PAX5: variants seen among roughly 807,000 people sequenced by gnomAD.
PAX5 encodes paired box protein Pax-5.
A neutral mutation model predicts 43.7 loss-of-function variants in PAX5; 9 were observed. The ratio of observed to expected loss-of-function variants is 0.21; its 90% CI spans 0.12 to 0.36. The LOEUF (loss-of-function observed/expected upper bound fraction) is 0.36. Among genes scored for constraint, PAX5 ranks in the 10% least tolerant of loss-of-function variants. The pLI is 1.00. For synonymous variants in PAX5, 228 were observed against 214.3 expected (o/e 1.06, Z -0.56); for missense variants, 383 against 532.7 (o/e 0.72, Z 2.77).
intron 7 of PAX5, among the ~76,000 whole-genome samples, chr9:36,898,411 G>A (rs928417758): frequency 1.3e-5 from 2 of 152,094 alleles, no homozygotes; most frequent in African/African-American, 2.4e-5. Context: ...GAGGCACGTG[G>A]GGTCTGCATT....
intron 5 of PAX5, among the ~76,000 whole-genome samples, chr9:36,997,770 G>C (rs3758173): frequency 0.23 from 35,004 of 152,220 alleles, 4,119 homozygotes; most frequent in Admixed American, 0.31. Context: ...CCAGGCATCC[G>C]TGTGAACCGG....
intron 6 of PAX5, among the ~76,000 whole-genome samples, chr9:36,950,132 C>T (rs901405989): frequency 6.6e-6 from 1 of 152,178 alleles, no homozygotes; most frequent in African/African-American, 2.4e-5. Context: ...GATGAGCCGG[C>T]TCTTGCCAGG....
In PAX5 at chr9:37,034,024, A is replaced by G; in HGVS notation, c.8T>C (p.Leu3Ser). The G allele has an allele frequency of 1.2e-6, 2 of 1,608,516 alleles. No individual in the cohort carries two copies. The highest frequency in any genetic ancestry group is 1.7e-6 in the Non-Finnish European group (2 of 1,177,872). MD[L>S]EKNYPTPRTS... The stretch of plus-strand genomic sequence containing the variant: ...CCGAGGAGTCGGATAATTTTTCTCT[A>G]AATCCATTTTGATTTTTCAGGACTT... Residue 3 changes from leucine (L) to serine (S), a missense_variant, in exon 1 of 10, where the codon TTA becomes TCA. Physicochemically the swap from Leu to Ser is moderately radical, Grantham distance 145. Coordinates refer to ENST00000358127, the MANE Select transcript of PAX5 (RefSeq NM_016734.3).
intron 8 of PAX5, among the ~76,000 whole-genome samples, chr9:36,860,110 G>A (rs1279562425): frequency 2.0e-5 from 3 of 149,212 alleles, no homozygotes; most frequent in South Asian, 2.1e-4. Context: ...AGGCTGAGGC[G>A]GGTAGATCAC....
Position 36,836,146 on chromosome 9 carries a change from G to C in PAX5, c.*4414C>G, listed in dbSNP as rs1187013702. The C allele has an allele frequency of 4.3e-6, 1 of 233,324 alleles. No homozygotes were observed. The highest frequency in any genetic ancestry group is 8.5e-6 in the Non-Finnish European group (1 of 118,188). 14.5% of individuals were successfully genotyped at this position (233,324 alleles called of 1,614,324 possible). ...CTCAGTGCCCTGTGGCCACATCTGA[G>C]TCTCTTCCCTGCACATGTGAAAGGT... On this transcript the variant is annotated 3_prime_UTR_variant, in exon 10 of 10. Coordinates refer to ENST00000358127, the MANE Select transcript of PAX5 (RefSeq NM_016734.3).
intron 5 of PAX5, among the ~76,000 whole-genome samples, chr9:36,990,652 TG>T (rs992715836): frequency 2.5e-4 from 38 of 152,152 alleles, no homozygotes; most frequent in Non-Finnish European, 1.5e-5. Context: ...GCAGTAGCAA[TG>T]GGGATGGAGA....
At chr9:36,942,582 G>T (rs1330856473) in intron 6 of PAX5, among the ~76,000 whole-genome samples, 1 of 152,228 alleles carries the variant, frequency 6.6e-6, no homozygotes, top group Non-Finnish European at 1.5e-5. Flanking sequence ...CTGCTCTGTT[G>T]TAAGAGTCGT....
chr9:36,939,870 G>A (rs566113839), intron 6 of PAX5, among the ~76,000 whole-genome samples: 2 of 151,904 alleles, frequency 1.3e-5, no homozygotes, highest in East Asian at 1.9e-4. Flanking sequence ...TCGTGTGGGC[G>A]CAGCAGATTG....
intron 6 of PAX5, among the ~76,000 whole-genome samples, chr9:36,952,808 T>C (rs569424605): frequency 6.6e-6 from 1 of 152,196 alleles, no homozygotes; most frequent in Non-Finnish European, 1.5e-5. Flanking sequence ...ATTTCACTTA[T>C]CCATATGTAA....
chr9:36,907,592 T>A (rs924862989), intron 7 of PAX5, among the ~76,000 whole-genome samples: 3 of 152,210 alleles, frequency 2.0e-5, no homozygotes, highest in African/African-American at 7.2e-5. Flanking sequence ...TCAGCCACAC[T>A]GCTAGGGAAA....
At chr9:37,002,539 T>C in intron 5 of PAX5, 109 bp downstream of exon 5, 1 of 1,213,364 alleles carries the variant, frequency 8.2e-7, no homozygotes, top group Admixed American at 2.3e-5. Context: ...CTCGCTCCTC[T>C]GCAGGTAAGG....
chr9:36,994,419 C>A (rs1412099971), intron 5 of PAX5, among the ~76,000 whole-genome samples: 1 of 152,212 alleles, frequency 6.6e-6, no homozygotes, highest in Non-Finnish European at 1.5e-5. Context: ...TGCTTGGCCA[C>A]TGCCCTAAGT....
chr9:36,905,625 G>A (rs960571084), intron 7 of PAX5, among the ~76,000 whole-genome samples: 2 of 152,170 alleles, frequency 1.3e-5, no homozygotes, highest in Non-Finnish European at 2.9e-5. Context: ...GCAAAAAGAC[G>A]GGCCTGGATA....
intron 6 of PAX5, among the ~76,000 whole-genome samples, chr9:36,952,474 A>G (rs1176343531): frequency 6.6e-6 from 1 of 152,048 alleles, no homozygotes; most frequent in East Asian, 1.9e-4. Flanking sequence ...TTCACATTCA[A>G]AGTGATTATT....
chr9:36,864,535 G>C (rs1171788638), intron 8 of PAX5, among the ~76,000 whole-genome samples: 2 of 152,208 alleles, frequency 1.3e-5, no homozygotes, highest in South Asian at 2.1e-4. Flanking sequence ...CAGCTGTGAG[G>C]GTCCCCGTGC....
intron 8 of PAX5, among the ~76,000 whole-genome samples, chr9:36,848,248 A>G (rs2131596554): frequency 6.6e-6 from 1 of 152,094 alleles, no homozygotes; most frequent in Admixed American, 6.5e-5. Context: ...GGGATCTGCC[A>G]GGTGGGGCAG....
At chr9:36,843,096 G>A (rs1234305368) in intron 9 of PAX5, among the ~76,000 whole-genome samples, 1 of 151,486 alleles carries the variant, frequency 6.6e-6, no homozygotes, top group East Asian at 1.9e-4. Context: ...GTGTGTGCGT[G>A]TGTGTGTGTG....
intron 6 of PAX5, among the ~76,000 whole-genome samples, chr9:36,932,447 G>A (rs62534703): frequency 0.28 from 42,139 of 152,190 alleles, 6,456 homozygotes; most frequent in Non-Finnish European, 0.34. Context: ...CAACATGGAT[G>A]AATCTCAAAA....
At chr9:36,949,848 C>A (rs1237173451) in intron 6 of PAX5, among the ~76,000 whole-genome samples, 3 of 152,194 alleles carry the variant, frequency 2.0e-5, no homozygotes, top group Non-Finnish European at 4.4e-5. Flanking sequence ...ATTATCTGCC[C>A]AAGCCAATCC....
Sources: allele counts gnomAD v4.1 joint callset (sites outside exome capture counted in the v4.1 genomes callset), GRCh38; gene constraint gnomAD v4.1.1; transcripts MANE v1.5; gene names NCBI Gene and HGNC (gene_info 2026-07-23, HGNC 2026-07-21).